The following TOP6BL variants were observed in gnomAD, a reference collection of about 807,000 sequenced individuals.
TOP6BL encodes type 2 DNA topoisomerase 6 subunit B-like.
At chr11:66,843,004 G>A in the TOP6BL span, 16 of 1,550,824 alleles carry the variant, frequency 1.0e-5, no homozygotes, top group South Asian at 1.8e-4. Context: ...TAGAGGAAGG[G>A]AGCACCGCGA....
chr11:66,775,946 C>T, the TOP6BL span, among the ~76,000 whole-genome samples: 1 of 151,994 alleles, frequency 6.6e-6, no homozygotes, highest in Non-Finnish European at 1.5e-5. Context: ...CTACTGAATT[C>T]ATCCCTTATT....
At chr11:66,815,188 C>T in the TOP6BL span, among the ~76,000 whole-genome samples, 5 of 152,284 alleles carry the variant, frequency 3.3e-5, no homozygotes, top group African/African-American at 4.8e-5. Flanking sequence ...TTCTAGGGAT[C>T]GCCATACCTC....
chr11:66,816,158 A>G, the TOP6BL span: 1 of 1,608,820 alleles, frequency 6.2e-7, no homozygotes, highest in South Asian at 1.1e-5. Context: ...CTCTTTGTGG[A>G]TTTCCACAGT....
chr11:66,791,678 T>A, the TOP6BL span, among the ~76,000 whole-genome samples: 1 of 152,156 alleles, frequency 6.6e-6, no homozygotes, highest in Non-Finnish European at 1.5e-5. Context: ...TGTGCACGGC[T>A]GGCAGCATCT....
the TOP6BL span, among the ~76,000 whole-genome samples, chr11:66,829,804 G>GC: frequency 3.9e-5 from 6 of 152,138 alleles, no homozygotes; most frequent in African/African-American, 1.4e-4. Flanking sequence ...TGGAAGAACT[G>GC]CATGAGCCCA....
chr11:66,763,338 T>G, the TOP6BL span, among the ~76,000 whole-genome samples: 1 of 152,256 alleles, frequency 6.6e-6, no homozygotes, highest in East Asian at 1.9e-4. Flanking sequence ...TTTTACAGAC[T>G]TCGGCTTTTG....
chr11:66,835,119 C>T, the TOP6BL span, among the ~76,000 whole-genome samples: 1 of 151,930 alleles, frequency 6.6e-6, no homozygotes, highest in African/African-American at 2.4e-5. Context: ...TCTGGGGGAC[C>T]AGGTGATGAA....
chr11:66,751,828 A>G, the TOP6BL span, among the ~76,000 whole-genome samples: 3 of 152,284 alleles, frequency 2.0e-5, no homozygotes, highest in East Asian at 1.9e-4. Flanking sequence ...ATAGAAAACT[A>G]TGATTACTTT....
chr11:66,842,981 C>T, the TOP6BL span: 27 of 1,550,008 alleles, frequency 1.7e-5, no homozygotes, highest in South Asian at 3.2e-4. Flanking sequence ...GCCACCGCGG[C>T]CCCCCTCACT....
chr11:66,834,845 C>T, the TOP6BL span, among the ~76,000 whole-genome samples: 92 of 152,058 alleles, frequency 6.1e-4, no homozygotes, highest in Admixed American at 5.0e-3. Context: ...CTGCACCTGG[C>T]GAGGAGTGGA....
chr11:66,821,207 CGTT>C, the TOP6BL span, among the ~76,000 whole-genome samples: 1 of 151,918 alleles, frequency 6.6e-6, no homozygotes, highest in Non-Finnish European at 1.5e-5. Context: ...GTATCTCAGT[CGTT>C]GTACTCAGTA....
At chr11:66,777,033 G>A in the TOP6BL span, among the ~76,000 whole-genome samples, 693 of 146,350 alleles carry the variant, frequency 4.7e-3, 9 homozygotes, top group African/African-American at 0.016. Context: ...TTTTAATACT[G>A]TTGTAATCAC....
chr11:66,825,510 C>G, the TOP6BL span, among the ~76,000 whole-genome samples: 3 of 151,000 alleles, frequency 2.0e-5, no homozygotes, highest in Non-Finnish European at 3.0e-5. Context: ...AAAAAAAGGC[C>G]CCAGAGAGAC....
chr11:66,791,825 T>TC, the TOP6BL span, among the ~76,000 whole-genome samples: 1 of 151,714 alleles, frequency 6.6e-6, no homozygotes, highest in East Asian at 1.9e-4. Context: ...ATAATTTTTT[T>TC]TTTTTTTTTT....
At chr11:66,824,452 T>C in the TOP6BL span, among the ~76,000 whole-genome samples, 22 of 147,096 alleles carry the variant, frequency 1.5e-4, no homozygotes, top group Non-Finnish European at 2.5e-4. Context: ...TTATTATTAT[T>C]ATTATTATTA....
the TOP6BL span, among the ~76,000 whole-genome samples, chr11:66,781,777 A>C: frequency 1.2e-4 from 19 of 152,178 alleles, no homozygotes; most frequent in East Asian, 3.7e-3. Flanking sequence ...GCCTCAAGCG[A>C]TCTCCCTGCC....
At chr11:66,843,277 G>C in the TOP6BL span, 1 of 1,600,204 alleles carries the variant, frequency 6.2e-7, no homozygotes, top group Non-Finnish European at 8.5e-7. Flanking sequence ...CGGAGGCTGC[G>C]GGCAGCCGTT....
the TOP6BL span, chr11:66,843,188 A>T: frequency 6.2e-7 from 1 of 1,611,130 alleles, no homozygotes; most frequent in East Asian, 2.2e-5. Flanking sequence ...TGGCTGCAGG[A>T]GGTCTCCAAC....
the TOP6BL span, among the ~76,000 whole-genome samples, chr11:66,798,266 A>T: frequency 6.6e-6 from 1 of 152,206 alleles, no homozygotes; most frequent in African/African-American, 2.4e-5. Flanking sequence ...TGTTCCACAT[A>T]TGAAAATAAT....
Sources: allele counts gnomAD v4.1 joint callset (sites outside exome capture counted in the v4.1 genomes callset), GRCh38; gene constraint gnomAD v4.1.1; transcripts MANE v1.5; gene names NCBI Gene and HGNC (gene_info 2026-07-23, HGNC 2026-07-21).